The following LVRN variants were observed in gnomAD, a reference collection of about 807,000 sequenced individuals.
The protein encoded by LVRN is aminopeptidase Q.
LVRN carries 99 observed loss-of-function variants against 111.4 expected under a neutral mutation model. That is an observed-to-expected ratio of 0.89 (90% CI 0.76 to 1.05). The LOEUF (loss-of-function observed/expected upper bound fraction) is 1.05, where lower values mean the gene tolerates loss of function less well. Ranked by LOEUF, LVRN falls within the 50% of genes least tolerant of loss-of-function variation. The pLI is 0.00. For synonymous variants in LVRN, 488 were observed against 449.5 expected, an observed-to-expected ratio of 1.09 and a Z score of -1.08; for missense variants, 1,414 against 1,206.8, an observed-to-expected ratio of 1.17 and a Z score of -2.54.
At chr5:115,979,336 C>T (rs1254376738) in intron 1 of LVRN, among the ~76,000 whole-genome samples, 3 of 152,168 alleles carry the variant, frequency 2.0e-5, no homozygotes, top group Admixed American at 6.5e-5. Context: ...TCAGGAAACA[C>T]TTTCACTGCT....
At chr5:115,997,750 A>T (rs904951236) in intron 6 of LVRN, among the ~76,000 whole-genome samples, 1 of 152,132 alleles carries the variant, frequency 6.6e-6, no homozygotes, top group African/African-American at 2.4e-5. Flanking sequence ...GATTCATATT[A>T]TCTAATCACT....
At chr5:115,967,776 A>T (rs760597364) in intron 1 of LVRN, among the ~76,000 whole-genome samples, 10 of 152,178 alleles carry the variant, frequency 6.6e-5, no homozygotes, top group Non-Finnish European at 1.5e-4. Flanking sequence ...TCAGAATTTT[A>T]TCATTTTTAG....
chr5:115,976,231 G>A (rs17138510), intron 1 of LVRN: 18,969 of 152,486 alleles, frequency 0.12, 1,669 homozygotes, highest in East Asian at 0.39. Flanking sequence ...TCAGGATACT[G>A]TTGAGCTTCG....
chr5:115,983,949 AT>A (rs1208441021), intron 2 of LVRN, among the ~76,000 whole-genome samples: 3 of 152,172 alleles, frequency 2.0e-5, no homozygotes, highest in Admixed American at 2.0e-4. Context: ...TGAAAAGGGA[AT>A]TTAGCCTCCA....
At chr5:115,966,351 C>T (rs1303094886) in intron 1 of LVRN, among the ~76,000 whole-genome samples, 4 of 152,180 alleles carry the variant, frequency 2.6e-5, no homozygotes, top group Admixed American at 2.0e-4. Context: ...AATGCCCTTG[C>T]GATCCATCCA....
chr5:115,970,611 T>A (rs1753304230), intron 1 of LVRN, among the ~76,000 whole-genome samples: 1 of 152,172 alleles, frequency 6.6e-6, no homozygotes, highest in Non-Finnish European at 1.5e-5. Flanking sequence ...GGCCTCGATA[T>A]TCTGACCTTG....
chr5:116,014,380 A>G (rs1748555314), intron 15 of LVRN, 40 bp from the exon 16 acceptor site: 5 of 1,379,606 alleles, frequency 3.6e-6, no homozygotes, highest in Middle Eastern at 1.8e-4. Flanking sequence ...TGAAGGTGGT[A>G]ATGCAAAATA....
chr5:115,971,675 AT>A (rs1753331058), intron 1 of LVRN, among the ~76,000 whole-genome samples: 1 of 152,012 alleles, frequency 6.6e-6, no homozygotes, highest in Non-Finnish European at 1.5e-5. Flanking sequence ...CTATTGATCC[AT>A]TTGTGTATTT....
rs1442924994 is a variant in LVRN, at chr5:116,027,247, TG to T, written c.*1134del. On this transcript the variant is annotated 3_prime_UTR_variant, in exon 20 of 20. Coordinates refer to ENST00000357872, the MANE Select transcript of LVRN (RefSeq NM_173800.5). ...ATCTTTTATTTTTATTTTTGTAGAA[TG>T]GGGGTAAAACTACAAATCTCCTCCT... 1 of 152,198 alleles carries T rather than the reference TG, an allele frequency of 6.6e-6. No individual in the cohort carries two copies. The highest frequency in any genetic ancestry group is 1.5e-5 in the Non-Finnish European group (1 of 68,026). The allele number at this position is 152,198 out of a possible 1,614,324, so 9.4% of individuals were successfully genotyped here. A position where few individuals can be genotyped will look rare whatever the true frequency, so the allele number is the denominator to read the frequency against.
chr5:115,981,632 A>T (rs9687134), intron 1 of LVRN, among the ~76,000 whole-genome samples: 36,112 of 152,034 alleles, frequency 0.24, 4,597 homozygotes, highest in Non-Finnish European at 0.27. Flanking sequence ...AATTATTTTG[A>T]CTGTAGTCAC....
In LVRN at chr5:116,026,367, G is replaced by T. The variant is rs914907714; in HGVS notation, c.*249G>T. 6.0e-5 allele frequency: 29 copies of T among 480,300 alleles called. No individual in the cohort carries two copies. Among genetic ancestry groups the T allele is most frequent in the Non-Finnish European group, 8.9e-5 (24 of 269,394 alleles). 29.8% of individuals were successfully genotyped at this position (480,300 alleles called of 1,614,324 possible). A position where few individuals can be genotyped will look rare whatever the true frequency, so the allele number is the denominator to read the frequency against. On this transcript the variant is annotated 3_prime_UTR_variant, in exon 20 of 20. Coordinates refer to ENST00000357872, the MANE Select transcript of LVRN (RefSeq NM_173800.5). ...CTTCATGTTGGGTTATAATCCCACAGAATTTACTTTAAATGTCACGTAAAA... is the reference window on the plus strand; with the variant it reads ...CTTCATGTTGGGTTATAATCCCACATAATTTACTTTAAATGTCACGTAAAA...
chr5:116,024,140 T>A (rs1748813516), intron 19 of LVRN, among the ~76,000 whole-genome samples: 1 of 152,152 alleles, frequency 6.6e-6, no homozygotes, highest in South Asian at 2.1e-4. Context: ...AGAAATGTAC[T>A]TGATCGTGTA....
intron 3 of LVRN, among the ~76,000 whole-genome samples, chr5:115,985,523 T>C (rs1747839132): frequency 6.6e-6 from 1 of 152,196 alleles, no homozygotes; most frequent in African/African-American, 2.4e-5. Flanking sequence ...AATAGGTGTT[T>C]CTACATAATG....
chr5:115,970,189 C>T (rs1753292423), intron 1 of LVRN, among the ~76,000 whole-genome samples: 2 of 152,120 alleles, frequency 1.3e-5, no homozygotes, highest in African/African-American at 4.8e-5. Flanking sequence ...ACATATTCAT[C>T]ACATCCAAAA....
At chr5:115,977,852 A>G (rs1455636543) in intron 1 of LVRN, among the ~76,000 whole-genome samples, 1 of 152,214 alleles carries the variant, frequency 6.6e-6, no homozygotes, top group African/African-American at 2.4e-5. Flanking sequence ...CTTTTGTTCA[A>G]AGATTCCCAG....
At chr5:115,978,275 G>A (rs1035309090) in intron 1 of LVRN, among the ~76,000 whole-genome samples, 4 of 152,158 alleles carry the variant, frequency 2.6e-5, no homozygotes, top group African/African-American at 9.7e-5. Context: ...ATCCTATAAA[G>A]GTGTCAAACC....
chr5:116,013,561 G>C (rs538700437), intron 15 of LVRN, among the ~76,000 whole-genome samples: 1 of 152,066 alleles, frequency 6.6e-6, no homozygotes, highest in African/African-American at 2.4e-5. Context: ...GTGAGGAGAG[G>C]GGGTGAGTAG....
At chr5:116,014,767 C>G (rs1025863694) in intron 16 of LVRN, among the ~76,000 whole-genome samples, 1 of 152,146 alleles carries the variant, frequency 6.6e-6, no homozygotes, top group African/African-American at 2.4e-5. Context: ...CCAAAGCACT[C>G]TTCCAATAAG....
chr5:116,000,496 A>ACCTT lies in LVRN; in HGVS notation c.1579_1580insCCTT (p.Lys527ThrfsTer14). Reference sequence around the variant, plus strand: ...TGAGCATTTATTTGTCAGTGCACTCAAGGTGAGTTTGCAAAATAGTCGTTA... The same window carrying ACCTT: ...TGAGCATTTATTTGTCAGTGCACTCACCTTAGGTGAGTTTGCAAAATAGTCGTTA... On this transcript the variant is annotated frameshift_variant and splice_region_variant, in exon 8 of 20. Coordinates refer to ENST00000357872, the MANE Select transcript of LVRN (RefSeq NM_173800.5). LOFTEE classifies it high-confidence loss of function. 6.2e-7 allele frequency: 1 copy of ACCTT among 1,614,132 alleles called. No individual in the cohort carries two copies. The highest frequency in any genetic ancestry group is 8.5e-7 in the Non-Finnish European group (1 of 1,179,986).
Sources: allele counts gnomAD v4.1 joint callset (sites outside exome capture counted in the v4.1 genomes callset), GRCh38; gene constraint gnomAD v4.1.1; transcripts MANE v1.5; gene names NCBI Gene and HGNC (gene_info 2026-07-23, HGNC 2026-07-21).